The following FOLH1 variants were observed in gnomAD, a reference collection of about 807,000 sequenced individuals.
FOLH1 encodes the protein folate hydrolase 1, also known as glutamate carboxypeptidase 2.
In FOLH1, 54 loss-of-function variants were observed where a neutral mutation model predicts 93.9. That is an observed-to-expected ratio of 0.57 (90% CI 0.46 to 0.72). FOLH1 has a LOEUF of 0.72. FOLH1 is among the 30% of genes least tolerant of loss of function. The pLI is 0.00. For synonymous variants in FOLH1, 249 were observed against 303.6 expected, an observed-to-expected ratio of 0.82 and a Z score of 1.87; for missense variants, 571 against 892.5, an observed-to-expected ratio of 0.64 and a Z score of 4.59.
intron 2 of FOLH1, among the ~76,000 whole-genome samples, chr11:49,203,981 A>AAT (rs1863563455): frequency 6.6e-6 from 1 of 152,236 alleles, no homozygotes; most frequent in East Asian, 1.9e-4. Context: ...TCCAGGGAGA[A>AAT]GCAACTTCCT....
At chr11:49,187,790 C>T (rs1192741418) in intron 4 of FOLH1, among the ~76,000 whole-genome samples, 1 of 152,220 alleles carries the variant, frequency 6.6e-6, no homozygotes, top group Non-Finnish European at 1.5e-5. Context: ...CAAGGATTGC[C>T]TCAGCTGTAG....
chr11:49,147,580 T>C (rs1855916903), intron 18 of FOLH1, among the ~76,000 whole-genome samples: 1 of 152,112 alleles, frequency 6.6e-6, no homozygotes, highest in African/African-American at 2.4e-5. Context: ...GAATGGGCTA[T>C]GACAGTTCAT....
chr11:49,173,875 T>C (rs1859678209), intron 9 of FOLH1, among the ~76,000 whole-genome samples: 1 of 152,160 alleles, frequency 6.6e-6, no homozygotes, highest in Non-Finnish European at 1.5e-5. Context: ...TCTATTCAGT[T>C]TTTAAGGTAC....
Position 49,200,414 on chromosome 11 carries a change from T to C in FOLH1, c.252A>G (p.Ala84=). 6.2e-7 allele frequency: 1 copy of C among 1,613,184 alleles called. No homozygotes were observed. Among genetic ancestry groups the C allele is most frequent in the South Asian group, 1.1e-5 (1 of 90,882 alleles). Residue 84 remains alanine, a synonymous_variant, in exon 3 of 19, where the codon GCA becomes GCG. Coordinates refer to ENST00000256999, the MANE Select transcript of FOLH1 (RefSeq NM_004476.3). The part of the protein sequence containing the change: ...LYNFTQIPHL[A]GTEQNFQLAK... ...CAAGCTGAAAGTTTTGTTCTGTTCCTGCTAAATGTGGTATCTGTGTAAAAT... is the reference window on the plus strand; with the variant it reads ...CAAGCTGAAAGTTTTGTTCTGTTCCCGCTAAATGTGGTATCTGTGTAAAAT...
rs1418045943 is a variant in FOLH1 at position 49,205,924 on chromosome 11, C to G, written c.224+143G>C. On this transcript the variant is annotated intron_variant, in intron 2 of 18. Transcript: ENST00000256999. ...AAATTTAGCTGAAAGTATAGTCCTC[C>G]TCAGATGAAATGTGATCCAAGATCT... The G allele has an allele frequency of 8.2e-6, 7 of 851,480 alleles. No homozygotes were observed. In the East Asian group the frequency reaches 1.5e-4, roughly 18 times the overall value. 52.7% of individuals were successfully genotyped at this position (851,480 alleles called of 1,614,324 possible). A position where few individuals can be genotyped will look rare whatever the true frequency, so the allele number is the denominator to read the frequency against.
intron 2 of FOLH1, among the ~76,000 whole-genome samples, chr11:49,202,748 G>A (rs1232090967): frequency 6.6e-6 from 1 of 152,142 alleles, no homozygotes; most frequent in East Asian, 1.9e-4. Flanking sequence ...TCAAGATGAC[G>A]AAGGTATTTA....
intron 7 of FOLH1, among the ~76,000 whole-genome samples, chr11:49,176,803 C>T (rs972517584): frequency 9.7e-5 from 13 of 134,496 alleles, no homozygotes; most frequent in Middle Eastern, 3.6e-3. Context: ...TTTGGGCCTA[C>T]CACGGGCATT....
rs1856769907 is a variant in FOLH1, at chr11:49,154,252, T to C, written c.1864A>G (p.Met622Val). 1 of 1,613,340 alleles carries C rather than the reference T, an allele frequency of 6.2e-7. No homozygotes were observed. Among genetic ancestry groups the C allele is most frequent in the African/African-American group, 1.3e-5 (1 of 74,898 alleles). ...CCAAATGATACACTGTATGTCTTCA[T>C]TTCCTGTGGATGTTTCATAGAAATA... ...YSISMKHPQEMKTYSVSFDSL... is the reference protein window; with the variant it reads ...YSISMKHPQEVKTYSVSFDSL... The change falls in exon 16 of 19, where the codon ATG becomes GTG. Residue 622 changes from methionine (M) to valine (V), a missense_variant. Coordinates refer to ENST00000256999, the MANE Select transcript of FOLH1 (RefSeq NM_004476.3).
intron 7 of FOLH1, among the ~76,000 whole-genome samples, chr11:49,182,945 T>G (rs1590608903): frequency 6.6e-6 from 1 of 152,128 alleles, no homozygotes; most frequent in Non-Finnish European, 1.5e-5. Context: ...AAAGGTTCAT[T>G]TTCATGGCTG....
At chr11:49,198,549 T>C (rs1196410017) in intron 3 of FOLH1, among the ~76,000 whole-genome samples, 3 of 151,938 alleles carry the variant, frequency 2.0e-5, no homozygotes, top group Non-Finnish European at 4.4e-5. Flanking sequence ...ACCTAGACAA[T>C]TCTCAAATTT....
At chr11:49,164,657 C>T in intron 13 of FOLH1, 48 bp downstream of exon 13, 1 of 1,323,372 alleles carries the variant, frequency 7.6e-7, no homozygotes. Flanking sequence ...CTCAAGAAAA[C>T]ATCATTTGTA....
intron 3 of FOLH1, among the ~76,000 whole-genome samples, chr11:49,196,585 T>C (rs1227111086): frequency 1.3e-5 from 2 of 151,210 alleles, no homozygotes; most frequent in Non-Finnish European, 2.9e-5. Flanking sequence ...ATGCTAATAT[T>C]ACAAGTTCAA....
At chr11:49,156,569 G>C (rs1221870236) in intron 15 of FOLH1, 148 bp downstream of exon 15, 4 of 969,752 alleles carry the variant, frequency 4.1e-6, no homozygotes, top group Non-Finnish European at 6.2e-6. Context: ...ATCCTACGTA[G>C]TAGTGATACT....
At chr11:49,173,120 G>C (rs1859560251) in intron 10 of FOLH1, among the ~76,000 whole-genome samples, 1 of 152,046 alleles carries the variant, frequency 6.6e-6, no homozygotes, top group African/African-American at 2.4e-5. Context: ...ACCATTAACA[G>C]TATAATTCCT....
intron 12 of FOLH1, among the ~76,000 whole-genome samples, chr11:49,167,723 A>T (rs1269826410): frequency 2.6e-5 from 4 of 152,084 alleles, no homozygotes; most frequent in Admixed American, 2.6e-4. Flanking sequence ...CTGAGGTTGG[A>T]GGATCACTTG....
intron 13 of FOLH1, among the ~76,000 whole-genome samples, chr11:49,164,420 T>C (rs1225826177): frequency 1.3e-5 from 2 of 152,198 alleles, no homozygotes; most frequent in African/African-American, 4.8e-5. Flanking sequence ...ACAAGTTGTG[T>C]GTGACTTTGG....
chr11:49,185,949 G>T, intron 5 of FOLH1, 94 bp from the exon 6 acceptor site: 1 of 1,388,500 alleles, frequency 7.2e-7, no homozygotes, highest in Middle Eastern at 2.6e-4. Context: ...ATGAGTACCA[G>T]AACTTTATCT....
rs533022944 is a variant in FOLH1, at chr11:49,201,555, T to G, written c.225-1114A>C. 1.1e-4 allele frequency among the ~76,000 whole-genome samples: 17 copies of G among 152,052 alleles called. No homozygotes were observed. In the East Asian group the frequency reaches 3.3e-3, roughly 29 times the overall value. On this transcript the variant is annotated intron_variant, in intron 2 of 18. Transcript: ENST00000256999. ...GTTATTTAAATTGTATTTATAAAAA[T>G]AGTATTAAAATCCTCGTTTGGTAAA...
At chr11:49,172,532 T>C (rs1197590241) in intron 10 of FOLH1, among the ~76,000 whole-genome samples, 1 of 152,052 alleles carries the variant, frequency 6.6e-6, no homozygotes, top group Non-Finnish European at 1.5e-5. Flanking sequence ...CATGAGAAGA[T>C]AAGTAAATAT....
Sources: allele counts gnomAD v4.1 joint callset (sites outside exome capture counted in the v4.1 genomes callset), GRCh38; gene constraint gnomAD v4.1.1; transcripts MANE v1.5; gene names NCBI Gene and HGNC (gene_info 2026-07-23, HGNC 2026-07-21).